Variants in ACTR3C observed in about 807,000 individuals in gnomAD.
The protein encoded by ACTR3C is actin-related protein 3C.
In ACTR3C, 18 loss-of-function variants were observed where a neutral mutation model predicts 26.3. That is an observed-to-expected ratio of 0.68 (90% CI 0.47 to 1.01). The LOEUF is 1.01. ACTR3C is among the 50% of genes least tolerant of loss of function. The probability of loss-of-function intolerance (pLI) is 0.00; values close to 1 mark genes in which losing one functional copy is unlikely to be tolerated. For missense variants in ACTR3C, 184 were observed against 250.7 expected, an observed-to-expected ratio of 0.73 and a Z score of 1.80; for synonymous variants, 55 against 94.5, an observed-to-expected ratio of 0.58 and a Z score of 2.42.
At chr7:150,268,281 T>C (rs1834201326) in intron 6 of ACTR3C, among the ~76,000 whole-genome samples, 1 of 148,220 alleles carries the variant, frequency 6.7e-6, no homozygotes, top group South Asian at 2.2e-4. Context: ...GAAAACAATA[T>C]GCACTATACT....
chr7:149,936,978 C>A, the ACTR3C span, among the ~76,000 whole-genome samples: 2 of 151,666 alleles, frequency 1.3e-5, no homozygotes, highest in Non-Finnish European at 2.9e-5. Context: ...TTGGTAGAGA[C>A]GAGATCTCCC....
the ACTR3C span, among the ~76,000 whole-genome samples, chr7:150,105,297 T>C: frequency 1.3e-5 from 2 of 151,868 alleles, no homozygotes; most frequent in Non-Finnish European, 2.9e-5. Context: ...TTAGACAGGA[T>C]GGTCTCAATC....
chr7:150,171,461 C>T, the ACTR3C span, among the ~76,000 whole-genome samples: 2 of 150,812 alleles, frequency 1.3e-5, no homozygotes, highest in Non-Finnish European at 2.9e-5. Context: ...AATCATACCA[C>T]GTTAATTTTG....
At chr7:150,005,112 T>C in the ACTR3C span, 1 of 152,128 alleles carries the variant, frequency 6.6e-6, no homozygotes, top group Non-Finnish European at 1.5e-5. Flanking sequence ...ATAAAGTAAA[T>C]GGAGCAAAAT....
the ACTR3C span, among the ~76,000 whole-genome samples, chr7:150,192,877 T>C: frequency 2.6e-5 from 4 of 152,236 alleles, no homozygotes; most frequent in African/African-American, 4.8e-5. Flanking sequence ...ACACTGCTGA[T>C]TTGTTCTAGA....
At chr7:149,923,703 C>A in the ACTR3C span, among the ~76,000 whole-genome samples, 1 of 152,128 alleles carries the variant, frequency 6.6e-6, no homozygotes, top group Non-Finnish European at 1.5e-5. Context: ...TACACACACA[C>A]ACACAAATGT....
chr7:150,144,456 G>C, the ACTR3C span, among the ~76,000 whole-genome samples: 3 of 151,908 alleles, frequency 2.0e-5, no homozygotes, highest in African/African-American at 4.8e-5. This position sits in a 1 kb window ranked among gnomAD's most constrained non-coding sequence, Gnocchi z 4.6. Context: ...TTTCTGGCTG[G>C]GATCTTACAA....
chr7:150,106,967 T>C, the ACTR3C span, among the ~76,000 whole-genome samples: 3 of 145,812 alleles, frequency 2.1e-5, no homozygotes, highest in African/African-American at 5.3e-5. Context: ...GGTAGAGGAA[T>C]GAAATGAATA....
the ACTR3C span, among the ~76,000 whole-genome samples, chr7:150,038,792 G>A: frequency 3.6e-5 from 5 of 140,534 alleles, no homozygotes; most frequent in East Asian, 2.0e-4. Flanking sequence ...CTCAGTCCCC[G>A]CCTCGCGGGG....
chr7:150,070,821 GT>G, the ACTR3C span, among the ~76,000 whole-genome samples: 1 of 146,734 alleles, frequency 6.8e-6, no homozygotes, highest in South Asian at 2.1e-4. Context: ...TTGAGATGGA[GT>G]TTCGCTCTGT....
the ACTR3C span, among the ~76,000 whole-genome samples, chr7:150,035,702 T>C: frequency 6.3e-5 from 8 of 127,340 alleles, no homozygotes; most frequent in South Asian, 2.5e-4. Flanking sequence ...GCGATGGGGG[T>C]CCTAAGCCAG....
intron 1 of ACTR3C, among the ~76,000 whole-genome samples, chr7:150,320,157 G>A (rs1433012257): frequency 6.6e-6 from 1 of 152,206 alleles, no homozygotes; most frequent in African/African-American, 2.4e-5. Flanking sequence ...AGACCCCAAG[G>A]GCAGGTTCTT....
At chr7:150,079,443 C>T in the ACTR3C span, among the ~76,000 whole-genome samples, 2 of 152,172 alleles carry the variant, frequency 1.3e-5, no homozygotes, top group Non-Finnish European at 2.9e-5. Flanking sequence ...CAGCAGCAAA[C>T]GTTCACAGAG....
the ACTR3C span, among the ~76,000 whole-genome samples, chr7:150,028,498 C>T: frequency 6.6e-6 from 1 of 152,304 alleles, no homozygotes; most frequent in African/African-American, 2.4e-5. Context: ...GCCCAGTTTA[C>T]TAAATTTCCA....
the ACTR3C span, among the ~76,000 whole-genome samples, chr7:150,087,319 A>G: frequency 6.6e-6 from 1 of 152,198 alleles, no homozygotes; most frequent in African/African-American, 2.4e-5. Context: ...GTGGTTAAAT[A>G]CATCTAACAT....
At chr7:150,072,907 C>T in the ACTR3C span, among the ~76,000 whole-genome samples, 1 of 152,118 alleles carries the variant, frequency 6.6e-6, no homozygotes, top group Non-Finnish European at 1.5e-5. Context: ...GGACAAACCA[C>T]CTGCCCAGAT....
At chr7:150,063,497 C>T in the ACTR3C span, among the ~76,000 whole-genome samples, 1 of 151,306 alleles carries the variant, frequency 6.6e-6, no homozygotes, top group African/African-American at 2.5e-5. Flanking sequence ...TCTCTGGTTC[C>T]TGGGAAGGCC....
At chr7:149,978,698 A>G in the ACTR3C span, among the ~76,000 whole-genome samples, 1 of 151,694 alleles carries the variant, frequency 6.6e-6, no homozygotes, top group Non-Finnish European at 1.5e-5. Flanking sequence ...GATCTGTGGT[A>G]CTGGTAACAC....
At chr7:149,948,082 C>T in the ACTR3C span, among the ~76,000 whole-genome samples, 2 of 143,398 alleles carry the variant, frequency 1.4e-5, no homozygotes, top group African/African-American at 5.8e-5. Context: ...AGTCACAGGG[C>T]ATTCTCAGCA....
Sources: gnomAD v4.1 joint callset for allele counts (sites outside exome capture counted in the v4.1 genomes callset) on GRCh38, gnomAD v4.1.1 for gene constraint, Gnocchi (gnomAD v3.1) non-coding constraint, MANE v1.5 for transcripts, NCBI Gene and HGNC (gene_info 2026-07-23, HGNC 2026-07-21) for gene names.